The following RAP1GDS1 variants were observed in gnomAD, a reference collection of about 807,000 sequenced individuals.
The protein encoded by RAP1GDS1 is Rap1 GTPase-GDP dissociation stimulator 1, also known as RAP1, GTP-GDP dissociation stimulator 1.
In RAP1GDS1, 35 loss-of-function variants were observed where a neutral mutation model predicts 71.1. The observed-to-expected ratio is 0.49, with a 90% confidence interval of 0.38 to 0.65. The LOEUF is 0.65. RAP1GDS1 is among the 30% of genes least tolerant of loss of function. The pLI is 0.00. For missense variants in RAP1GDS1, 663 were observed against 706.1 expected (o/e 0.94, Z 0.69); for synonymous variants, 229 against 243.1 (o/e 0.94, Z 0.54).
At chr4:98,406,068 T>C (rs1325510307) in intron 7 of RAP1GDS1, among the ~76,000 whole-genome samples, 1 of 152,000 alleles carries the variant, frequency 6.6e-6, no homozygotes, top group Non-Finnish European at 1.5e-5. Flanking sequence ...TAAAATGATA[T>C]ATAGCTGCAG....
intron 2 of RAP1GDS1, among the ~76,000 whole-genome samples, chr4:98,328,009 A>G (rs1733396046): frequency 6.6e-6 from 1 of 152,226 alleles, no homozygotes; most frequent in Admixed American, 6.5e-5. Context: ...TGGCAATCCC[A>G]GTTTGCATAA....
chr4:98,352,648 G>A, intron 4 of RAP1GDS1, 47 bp downstream of exon 4: 1 of 1,597,972 alleles, frequency 6.3e-7, no homozygotes, highest in Non-Finnish European at 8.5e-7. Flanking sequence ...TAAGAATTAT[G>A]ATATTCAGAC....
intron 2 of RAP1GDS1, among the ~76,000 whole-genome samples, chr4:98,327,251 A>C (rs1733258316): frequency 6.6e-6 from 1 of 152,192 alleles, no homozygotes; most frequent in Non-Finnish European, 1.5e-5. Flanking sequence ...GGGCATTGCC[A>C]TGGGAATACA....
intron 5 of RAP1GDS1, among the ~76,000 whole-genome samples, chr4:98,388,793 T>G (rs145858252): frequency 6.6e-6 from 1 of 152,336 alleles, no homozygotes; most frequent in African/African-American, 2.4e-5. Flanking sequence ...CTTATGATTT[T>G]AGATGTCTAA....
chr4:98,286,431 G>A (rs973715724), intron 1 of RAP1GDS1, among the ~76,000 whole-genome samples: 1 of 151,978 alleles, frequency 6.6e-6, no homozygotes, highest in Non-Finnish European at 1.5e-5. Flanking sequence ...TAGGCATTGT[G>A]TGAAATAAAA....
chr4:98,375,655 T>A (rs561124186), intron 4 of RAP1GDS1, among the ~76,000 whole-genome samples: 2 of 152,286 alleles, frequency 1.3e-5, no homozygotes, highest in South Asian at 4.1e-4. Flanking sequence ...AAATCACATT[T>A]TAATATGAAA....
chr4:98,371,824 G>A (rs972068359), intron 4 of RAP1GDS1, among the ~76,000 whole-genome samples: 1 of 152,106 alleles, frequency 6.6e-6, no homozygotes, highest in African/African-American at 2.4e-5. Flanking sequence ...TTTGATCAGT[G>A]TTTGCATGGT....
chr4:98,398,110 A>G lies in RAP1GDS1; in HGVS notation c.637+6030A>G, dbSNP rs529098246. ...GTGAGGGCAATCTCTAACATGGAAG[A>G]TAAATAGAGAAAAGCAACAGTACAC... is the stretch of plus-strand genomic sequence containing the variant. On this transcript the variant is annotated intron_variant, in intron 6 of 14. Transcript: ENST00000408927. Among the ~76,000 whole-genome samples the G allele has an allele frequency of 3.9e-5, 6 of 152,132 alleles. No individual in the cohort carries two copies. In the South Asian group the frequency reaches 1.2e-3, roughly 31 times the overall value.
chr4:98,270,940 T>G (rs1206347045), intron 1 of RAP1GDS1, among the ~76,000 whole-genome samples: 2 of 152,206 alleles, frequency 1.3e-5, no homozygotes, highest in African/African-American at 4.8e-5. Flanking sequence ...TTCTTTTCTC[T>G]AGCTTACCTT....
intron 2 of RAP1GDS1, among the ~76,000 whole-genome samples, chr4:98,317,605 T>C (rs1450108565): frequency 1.3e-5 from 2 of 152,038 alleles, no homozygotes; most frequent in Non-Finnish European, 2.9e-5. Context: ...TTGTGAAATA[T>C]TGCATGTGGG....
intron 5 of RAP1GDS1, among the ~76,000 whole-genome samples, chr4:98,384,420 T>C (rs922343338): frequency 1.3e-5 from 2 of 151,692 alleles, no homozygotes; most frequent in African/African-American, 4.8e-5. Context: ...CCAACAGCTT[T>C]CTAGTCAGTT....
In RAP1GDS1 at chr4:98,421,740, G is replaced by GA. The variant is rs567290474; in HGVS notation, c.1440+353dup. On this transcript the variant is annotated intron_variant, in intron 12 of 14. Transcript: ENST00000408927. ...ATGATGTCCAGAGCTCACAGAGTTA[G>GA]AAAAAAATCCATTCTTGTGGCTGGC... is the stretch of plus-strand genomic sequence containing the variant. Among the ~76,000 whole-genome samples the GA allele has an allele frequency of 2.8e-4, 43 of 152,204 alleles. No individual in the cohort carries two copies. The East Asian group carries it at 3.9e-3, about 14-fold the overall frequency.
chr4:98,261,461 C>T lies in RAP1GDS1; in HGVS notation c.-105C>T. 3 of 1,269,406 alleles carry T rather than the reference C, an allele frequency of 2.4e-6. No individual in the cohort carries two copies. Among genetic ancestry groups the T allele is most frequent in the Non-Finnish European group, 3.2e-6 (3 of 943,634 alleles). 78.6% of individuals were successfully genotyped at this position (1,269,406 alleles called of 1,614,324 possible). ...CGGCGGCCGCCCCCCGCGGGTCCCT[C>T]CCTGGCTGCGGGAGAGACGGAGGTA... On this transcript the variant is annotated 5_prime_UTR_variant, in exon 1 of 15. Transcript: ENST00000408927.
intron 12 of RAP1GDS1, among the ~76,000 whole-genome samples, chr4:98,422,366 C>T (rs908296360): frequency 3.3e-5 from 5 of 151,932 alleles, no homozygotes; most frequent in Middle Eastern, 3.4e-3. Flanking sequence ...TACAGGCAGG[C>T]GCCACCACAC....
At chr4:98,359,492 C>A (rs1738421720) in intron 4 of RAP1GDS1, among the ~76,000 whole-genome samples, 2 of 152,088 alleles carry the variant, frequency 1.3e-5, no homozygotes, top group South Asian at 4.1e-4. Flanking sequence ...TCAGGCTCAT[C>A]TGTTAATAAA....
chr4:98,375,741 A>G (rs1312129791), intron 4 of RAP1GDS1, among the ~76,000 whole-genome samples: 1 of 152,156 alleles, frequency 6.6e-6, no homozygotes. Flanking sequence ...ATTTATCAAT[A>G]TCTGTCAAAA....
At chr4:98,311,527 G>T (rs1578394173) in intron 2 of RAP1GDS1, among the ~76,000 whole-genome samples, 1 of 152,194 alleles carries the variant, frequency 6.6e-6, no homozygotes, top group African/African-American at 2.4e-5. Flanking sequence ...AGGTCCCATC[G>T]TGTGTGACAT....
chr4:98,261,655 G>A (rs1721984064), intron 1 of RAP1GDS1, 86 bp downstream of exon 1: 12 of 1,484,408 alleles, frequency 8.1e-6, no homozygotes, highest in Admixed American at 3.8e-5. Flanking sequence ...CTCGCGCAAA[G>A]TTGCCGGATT....
intron 1 of RAP1GDS1, among the ~76,000 whole-genome samples, chr4:98,272,027 T>C (rs1476726306): frequency 1.3e-5 from 2 of 152,124 alleles, no homozygotes; most frequent in South Asian, 4.1e-4. Flanking sequence ...AGAATTTGCA[T>C]TGTCAAGACC....
Sources: allele counts gnomAD v4.1 joint callset (sites outside exome capture counted in the v4.1 genomes callset), GRCh38; gene constraint gnomAD v4.1.1; transcripts MANE v1.5; gene names NCBI Gene and HGNC (gene_info 2026-07-23, HGNC 2026-07-21).